CNOT2: variants seen among roughly 807,000 people sequenced by gnomAD.
The protein encoded by CNOT2 is CCR4-NOT transcription complex subunit 2, also known as CC chemokine receptor 4-negative regulator of transcription 2.
CNOT2 carries 7 observed loss-of-function variants against 72.1 expected under a neutral mutation model. The observed-to-expected ratio is 0.10, with a 90% CI of 0.06 to 0.18. The LOEUF is 0.18. Ranked by LOEUF, CNOT2 falls within the 10% of genes least tolerant of loss-of-function variation. The pLI is 1.00. For missense variants in CNOT2, 345 were observed against 660.3 expected (o/e 0.52, Z 5.23); for synonymous variants, 196 against 225.6 (o/e 0.87, Z 1.17).
At chr12:70,326,230 G>T (rs1378585543) in intron 4 of CNOT2, among the ~76,000 whole-genome samples, 2 of 151,708 alleles carry the variant, frequency 1.3e-5, no homozygotes, top group East Asian at 3.9e-4. Flanking sequence ...TTTAAAATTT[G>T]TTTTTATTCT....
chr12:70,275,296 G>A (rs940125385), intron 1 of CNOT2, among the ~76,000 whole-genome samples: 1 of 151,846 alleles, frequency 6.6e-6, no homozygotes, highest in Non-Finnish European at 1.5e-5. Flanking sequence ...GTTTATTGCT[G>A]TTTTGCAGCT....
chr12:70,299,510 A>G (rs374726543), intron 2 of CNOT2, among the ~76,000 whole-genome samples: 1 of 152,012 alleles, frequency 6.6e-6, no homozygotes, highest in Non-Finnish European at 1.5e-5. Flanking sequence ...TGCTGAGAAT[A>G]ATGGTTTCCA....
At chr12:70,324,137 T>C (rs761983009) in intron 4 of CNOT2, 1 of 151,810 alleles carries the variant, frequency 6.6e-6, no homozygotes, top group African/African-American at 2.4e-5. Flanking sequence ...CTTTGATACC[T>C]GAATGCCATG....
chr12:70,259,192 C>A (rs1199764045), intron 1 of CNOT2, among the ~76,000 whole-genome samples: 10 of 152,090 alleles, frequency 6.6e-5, no homozygotes, highest in Admixed American at 4.6e-4. Context: ...TTCAAAACCT[C>A]CTGAATTTTT....
intron 2 of CNOT2, among the ~76,000 whole-genome samples, chr12:70,292,800 C>A (rs1400621079): frequency 6.6e-6 from 1 of 152,178 alleles, no homozygotes; most frequent in African/African-American, 2.4e-5. Context: ...TACCTAACAT[C>A]TAGCACTGTG....
intron 9 of CNOT2, chr12:70,338,189 C>A: frequency 3.3e-6 from 1 of 299,242 alleles, no homozygotes; most frequent in Non-Finnish European, 6.1e-6. Flanking sequence ...TTTTCTGTGA[C>A]TGAAGATCTG....
intron 15 of CNOT2, among the ~76,000 whole-genome samples, chr12:70,350,739 C>T (rs1882761166): frequency 1.3e-5 from 2 of 152,142 alleles, no homozygotes; most frequent in African/African-American, 2.4e-5. Flanking sequence ...ACTTGGGTCC[C>T]ATCCCCAAGA....
Position 70,332,830 on chromosome 12 carries a change from C to T in CNOT2, c.633C>T (p.Asn211=). ...AFGMNNSLSS[N]IFNGTDGSEN... is the part of the protein sequence containing the mutation. ...GAATGAATAACTCCTTATCAAGTAA[C>T]ATTTTTAATGGAACAGGTAAGCTTA... The change falls in exon 7 of 16, where the codon AAC becomes AAT. Residue 211 remains asparagine (N), a synonymous_variant. Transcript: ENST00000229195. The T allele has an allele frequency of 6.2e-7, 1 of 1,604,460 alleles. No homozygotes were observed. The highest frequency in any genetic ancestry group is 8.5e-7 in the Non-Finnish European group (1 of 1,175,586).
Position 70,338,443 on chromosome 12 carries a change from A to C in CNOT2, c.901A>C (p.Asn301His). 1 of 1,594,674 alleles carries C rather than the reference A, an allele frequency of 6.3e-7. No individual in the cohort carries two copies. The highest frequency in any genetic ancestry group is 8.5e-7 in the Non-Finnish European group (1 of 1,174,392). ...TCACATTTAATTTTTTTCATGCTAG[A>C]ATTTGAATACATCTGGCAAGACAAC... ...PTSSNDDSKS[N>H]LNTSGKTTSS... The change falls in exon 10 of 16, where the codon AAT becomes CAT. Residue 301 changes from asparagine (N) to histidine (H), a missense_variant and splice_region_variant. Asn to His is a moderately conservative substitution (Grantham distance 68). This residue lies in a region of CNOT2 where 128 missense variants were observed against 233.0 expected (regional missense o/e 0.55). Coordinates refer to ENST00000229195, the MANE Select transcript of CNOT2 (RefSeq NM_014515.7).
Position 70,333,737 on chromosome 12 carries a change from A to G in CNOT2, c.649+891A>G, listed in dbSNP as rs566062998. On this transcript the variant is annotated intron_variant, in intron 7 of 15. Coordinates refer to ENST00000229195, the MANE Select transcript of CNOT2 (RefSeq NM_014515.7). Reference sequence around the variant, plus strand: ...AGCATAGATTAATCACACAAGATTAAAATCTTTGAAAAAAGATTCCAAATT... The same window carrying G: ...AGCATAGATTAATCACACAAGATTAGAATCTTTGAAAAAAGATTCCAAATT... 2.6e-5 allele frequency among the ~76,000 whole-genome samples: 4 copies of G among 152,078 alleles called. No individual in the cohort carries two copies. The South Asian group carries it at 8.3e-4, about 32-fold the overall frequency.
chr12:70,333,081 T>C (rs1295788573), intron 7 of CNOT2, among the ~76,000 whole-genome samples: 2 of 151,848 alleles, frequency 1.3e-5, no homozygotes, highest in African/African-American at 4.8e-5. Flanking sequence ...TCAGGATTAT[T>C]TCCTTAACAC....
At chr12:70,344,370 A>T in intron 14 of CNOT2, 142 bp downstream of exon 14, 1 of 586,742 alleles carries the variant, frequency 1.7e-6, no homozygotes, top group Middle Eastern at 4.5e-4. Context: ...AAGTGAATTT[A>T]ATTTAGATTA....
chr12:70,338,360 A>G, intron 9 of CNOT2, 83 bp from the exon 10 acceptor site: 1 of 1,156,774 alleles, frequency 8.6e-7, no homozygotes, highest in Non-Finnish European at 1.2e-6. Flanking sequence ...GTAATAAAGA[A>G]TAAATAGCAA....
chr12:70,253,850 T>C (rs964477169), intron 1 of CNOT2, among the ~76,000 whole-genome samples: 2 of 152,200 alleles, frequency 1.3e-5, no homozygotes, highest in African/African-American at 4.8e-5. Flanking sequence ...CAGATAGCAC[T>C]GAACCTTATA....
intron 2 of CNOT2, among the ~76,000 whole-genome samples, chr12:70,305,577 GT>G (rs1875142266): frequency 6.6e-6 from 1 of 152,184 alleles, no homozygotes; most frequent in South Asian, 2.1e-4. Flanking sequence ...GATCACAAAG[GT>G]TACAGACAGC....
At position 70,310,954 on chromosome 12, in the gene CNOT2, C is replaced by G. The variant is rs769740163; in HGVS notation, c.108C>G (p.Asp36Glu). 6.2e-7 allele frequency: 1 copy of G among 1,608,336 alleles called. No homozygotes were observed. The highest frequency in any genetic ancestry group is 8.5e-7 in the Non-Finnish European group (1 of 1,175,124). ...RKKFVEGVDS[D>E]YHDENMYYSQ... is the part of the protein sequence containing the mutation. ...AGTTTGTAGAGGGGGTCGACAGTGA[C>G]TACCATGACGAAAACATGTACTACA... The change falls in exon 3 of 16, where the codon GAC (aspartate) becomes GAG (glutamate). Residue 36 changes from aspartate (D) to glutamate (E), a missense_variant. By Grantham distance (45) the Asp-to-Glu change is conservative. Around this residue, in one of 4 missense-constraint regions of CNOT2, gnomAD observed 157 missense variants for 235.3 expected, o/e 0.67. Coordinates refer to ENST00000229195, the MANE Select transcript of CNOT2 (RefSeq NM_014515.7).
At chr12:70,296,654 GTT>G (rs200096426) in intron 2 of CNOT2, among the ~76,000 whole-genome samples, 27,233 of 143,136 alleles carry the variant, frequency 0.19, 2,813 homozygotes, top group Admixed American at 0.33. Flanking sequence ...CACATGAAGA[GTT>G]TTTTTTTTTT....
intron 1 of CNOT2, among the ~76,000 whole-genome samples, chr12:70,248,956 G>C (rs966230443): frequency 2.6e-5 from 4 of 152,026 alleles, no homozygotes; most frequent in African/African-American, 9.7e-5. Context: ...ATGAGTGAGG[G>C]AAAATTATGT....
At chr12:70,317,039 C>T (rs1877460057) in intron 3 of CNOT2, among the ~76,000 whole-genome samples, 1 of 152,082 alleles carries the variant, frequency 6.6e-6, no homozygotes, top group Non-Finnish European at 1.5e-5. Context: ...TATTTGCAGC[C>T]TTTAGAAACA....
Sources: allele counts gnomAD v4.1 joint callset (sites outside exome capture counted in the v4.1 genomes callset), GRCh38; gene constraint gnomAD v4.1.1; regional missense constraint gnomAD v4.1.1; transcripts MANE v1.5; gene names NCBI Gene and HGNC (gene_info 2026-07-23, HGNC 2026-07-21).